Variants in TMEM156 observed in about 807,000 individuals in gnomAD.
TMEM156 encodes the protein transmembrane protein 156.
In TMEM156, 28 loss-of-function variants were observed where a neutral mutation model predicts 30.5. That is an observed-to-expected ratio of 0.92 (90% confidence interval 0.68 to 1.26). The LOEUF (loss-of-function observed/expected upper bound fraction) is 1.26. TMEM156 is among the 50% of genes most tolerant of loss of function. TMEM156 has a pLI of 0.00. For synonymous variants in TMEM156, 137 were observed against 119.9 expected (o/e 1.14, Z -0.93); for missense variants, 351 against 340.6 (o/e 1.03, Z -0.24).
intron 5 of TMEM156, among the ~76,000 whole-genome samples, chr4:38,985,665 G>A (rs1319194754): frequency 1.3e-5 from 2 of 152,146 alleles, no homozygotes; most frequent in Admixed American, 6.5e-5. Context: ...TTTGGTAACA[G>A]CACTCATAAT....
chr4:39,011,646 G>C (rs2115919), intron 1 of TMEM156, among the ~76,000 whole-genome samples: 101,340 of 151,552 alleles, frequency 0.67, 33,971 homozygotes, highest in African/African-American at 0.71. Flanking sequence ...TGGTGGCAAG[G>C]ACCTGTAATC....
chr4:38,990,830 GTTT>G (rs71304784), intron 3 of TMEM156, among the ~76,000 whole-genome samples: 13 of 81,228 alleles, frequency 1.6e-4, no homozygotes, highest in South Asian at 8.8e-4. Context: ...TTGTTTTCTG[GTTT>G]TTTTTTTTTT....
At chr4:39,008,888 A>G (rs1713921318) in intron 1 of TMEM156, among the ~76,000 whole-genome samples, 1 of 152,146 alleles carries the variant, frequency 6.6e-6, no homozygotes, top group Non-Finnish European at 1.5e-5. Flanking sequence ...AAGCTATCAG[A>G]AACAAAGAAA....
chr4:38,968,180 G>C (rs551051761), intron 6 of TMEM156, among the ~76,000 whole-genome samples: 2 of 152,166 alleles, frequency 1.3e-5, no homozygotes, highest in Non-Finnish European at 2.9e-5. Flanking sequence ...ACTAACCTCT[G>C]CTGCTACAGC....
chr4:38,984,369 G>C (rs1023951220), intron 5 of TMEM156, among the ~76,000 whole-genome samples: 1 of 151,412 alleles, frequency 6.6e-6, no homozygotes, highest in African/African-American at 2.4e-5. Context: ...GTGTGTGTGT[G>C]TGTGTGTGTG....
chr4:38,986,485 A>C, intron 4 of TMEM156, 66 bp from the exon 5 acceptor site: 2 of 1,207,528 alleles, frequency 1.7e-6, no homozygotes, highest in Non-Finnish European at 2.4e-6. Flanking sequence ...TATATTCCCC[A>C]TGTTGGTTCA....
chr4:39,014,824 G>T (rs1185656626), intron 1 of TMEM156, among the ~76,000 whole-genome samples: 2 of 147,598 alleles, frequency 1.4e-5, no homozygotes, highest in African/African-American at 5.0e-5. Flanking sequence ...TTTTAAAAAA[G>T]AAATAAATAA....
chr4:38,983,512 C>T (rs1288174347), intron 5 of TMEM156, among the ~76,000 whole-genome samples: 1 of 152,206 alleles, frequency 6.6e-6, no homozygotes, highest in Non-Finnish European at 1.5e-5. Context: ...AATCCTCCCA[C>T]CTCATCCTCC....
chr4:38,999,029 A>G (rs73236700), intron 1 of TMEM156, 120 bp from the exon 2 acceptor site: 198,283 of 635,748 alleles, frequency 0.31, 32,700 homozygotes, highest in East Asian at 0.47. Context: ...TCAGCTTATC[A>G]GAGACAAGAC....
intron 5 of TMEM156, among the ~76,000 whole-genome samples, chr4:38,973,751 A>G (rs1224689991): frequency 6.6e-6 from 1 of 152,170 alleles, no homozygotes; most frequent in Non-Finnish European, 1.5e-5. Flanking sequence ...GCAGTAGTGG[A>G]CACCCTGGAA....
At chr4:38,979,922 C>T (rs111686439) in intron 5 of TMEM156, among the ~76,000 whole-genome samples, 2 of 152,324 alleles carry the variant, frequency 1.3e-5, no homozygotes, top group African/African-American at 2.4e-5. Flanking sequence ...TATTGCTATA[C>T]ATCATTCTGA....
intron 3 of TMEM156, among the ~76,000 whole-genome samples, chr4:38,992,742 A>AATAT (rs1712606306): frequency 4.1e-5 from 2 of 48,948 alleles, no homozygotes; most frequent in African/African-American, 1.4e-4. Flanking sequence ...TATAATATAT[A>AATAT]ATATATTATA....
At chr4:38,981,055 C>T (rs1416577920) in intron 5 of TMEM156, 4 of 508,598 alleles carry the variant, frequency 7.9e-6, no homozygotes, top group East Asian at 1.5e-4. Flanking sequence ...ATGGCTGTAA[C>T]CTTTCCTGTT....
chr4:38,983,605 G>T (rs1711741936), intron 5 of TMEM156, among the ~76,000 whole-genome samples: 1 of 152,042 alleles, frequency 6.6e-6, no homozygotes, highest in Admixed American at 6.6e-5. Flanking sequence ...TCACTATATT[G>T]CCCAGGCTGG....
chr4:39,010,202 A>T (rs1011107171), intron 1 of TMEM156, among the ~76,000 whole-genome samples: 6 of 152,186 alleles, frequency 3.9e-5, no homozygotes, highest in African/African-American at 1.2e-4. Context: ...GAGATGAAAG[A>T]TCTCTGCAAG....
intron 1 of TMEM156, among the ~76,000 whole-genome samples, chr4:39,023,653 G>A (rs541432249): frequency 6.6e-6 from 1 of 152,116 alleles, no homozygotes; most frequent in East Asian, 1.9e-4. Flanking sequence ...GACTAGCCTG[G>A]CCAACTTGGT....
chr4:39,031,577 G>A (rs1715503856), intron 1 of TMEM156, among the ~76,000 whole-genome samples: 1 of 152,070 alleles, frequency 6.6e-6, no homozygotes, highest in African/African-American at 2.4e-5. Flanking sequence ...ATTCCAAAAT[G>A]TAAAAAGCAT....
rs1174660855 is a variant in TMEM156, at chr4:38,971,019, A to T, written c.*38+13T>A. The stretch of plus-strand genomic sequence containing the variant: ...TATAATGAAGAAGTCGATAAAGCCG[A>T]ATCATCACTCACCGTGTATATTGAT... On this transcript the variant is annotated intron_variant, in intron 6 of 6. Transcript: ENST00000381938. 11 of 1,523,490 alleles carry T rather than the reference A, an allele frequency of 7.2e-6. No homozygotes were observed. Among genetic ancestry groups the T allele is most frequent in the Non-Finnish European group, 1.0e-5 (11 of 1,101,674 alleles). The allele number at this position is 1,523,490 out of a possible 1,614,324, so 94.4% of individuals were successfully genotyped here. A position where few individuals can be genotyped will look rare whatever the true frequency, so the allele number is the denominator to read the frequency against.
chr4:39,004,196 G>A (rs1171482430), intron 1 of TMEM156, among the ~76,000 whole-genome samples: 1 of 152,108 alleles, frequency 6.6e-6, no homozygotes, highest in Non-Finnish European at 1.5e-5. Flanking sequence ...TCTCAGAGAT[G>A]GAAATGCATT....
Sources: allele counts gnomAD v4.1 joint callset (sites outside exome capture counted in the v4.1 genomes callset), GRCh38; gene constraint gnomAD v4.1.1; transcripts MANE v1.5; gene names NCBI Gene and HGNC (gene_info 2026-07-23, HGNC 2026-07-21).